The following DSCAM variants were observed in gnomAD, a reference collection of about 807,000 sequenced individuals.
The protein encoded by DSCAM is DS cell adhesion molecule.
DSCAM carries 47 observed loss-of-function variants against 217.7 expected under a neutral mutation model. The observed-to-expected ratio is 0.22, with a 90% confidence interval of 0.17 to 0.28. The LOEUF (loss-of-function observed/expected upper bound fraction) is 0.28, where lower values mean the gene tolerates loss of function less well. Among genes scored for constraint, DSCAM ranks in the 10% least tolerant of loss-of-function variants. The pLI, the probability that DSCAM is intolerant of heterozygous loss-of-function variation, is 1.00. For synonymous variants in DSCAM, 1,056 were observed against 1,015.3 expected (o/e 1.04, Z -0.76); for missense variants, 2,080 against 2,618.3 (o/e 0.79, Z 4.49).
At chr21:40,676,230 C>A (rs1317217308) in intron 3 of DSCAM, among the ~76,000 whole-genome samples, 2 of 152,124 alleles carry the variant, frequency 1.3e-5, no homozygotes, top group African/African-American at 4.8e-5. Context: ...AAACATTCAT[C>A]TTATGTCAAC....
intron 1 of DSCAM, among the ~76,000 whole-genome samples, chr21:40,760,602 G>C (rs995552621): frequency 6.6e-6 from 1 of 152,232 alleles, no homozygotes; most frequent in African/African-American, 2.4e-5. Flanking sequence ...TGCTTTGCCA[G>C]TTTCAAGCAG....
chr21:40,751,099 G>T (rs2091222843), intron 1 of DSCAM, among the ~76,000 whole-genome samples: 1 of 151,988 alleles, frequency 6.6e-6, no homozygotes, highest in Admixed American at 6.6e-5. Context: ...TGTCACACAG[G>T]CTGCTGCAGG....
At chr21:40,358,168 T>G (rs927949313) in intron 4 of DSCAM, among the ~76,000 whole-genome samples, 1 of 152,158 alleles carries the variant, frequency 6.6e-6, no homozygotes, top group Non-Finnish European at 1.5e-5. Context: ...ATGCTATTCA[T>G]AAAAAATCAA....
At chr21:40,484,782 G>GGCA in intron 3 of DSCAM, among the ~76,000 whole-genome samples, 4 of 152,166 alleles carry the variant, frequency 2.6e-5, no homozygotes, top group African/African-American at 9.7e-5. Flanking sequence ...GTTTTATACA[G>GGCA]GGAGATGTAG....
At chr21:40,167,508 AT>A (rs1211383326) in intron 15 of DSCAM, among the ~76,000 whole-genome samples, 2 of 152,180 alleles carry the variant, frequency 1.3e-5, no homozygotes, top group African/African-American at 4.8e-5. Flanking sequence ...TTGGGGACCT[AT>A]CATGGTATTC....
At chr21:40,154,580 C>G (rs1263737939) in intron 16 of DSCAM, among the ~76,000 whole-genome samples, 1 of 152,108 alleles carries the variant, frequency 6.6e-6, no homozygotes, top group Non-Finnish European at 1.5e-5. Flanking sequence ...GTTCATATAT[C>G]TCTCCTTAGA....
intron 3 of DSCAM, among the ~76,000 whole-genome samples, chr21:40,653,338 T>C (rs1417326298): frequency 6.6e-6 from 1 of 152,116 alleles, no homozygotes; most frequent in East Asian, 1.9e-4. Flanking sequence ...TGTGCCCAGG[T>C]GGATGGTCCT....
intron 3 of DSCAM, among the ~76,000 whole-genome samples, chr21:40,510,488 A>C (rs2056255585): frequency 6.6e-6 from 1 of 152,310 alleles, no homozygotes. Flanking sequence ...CATTTGTTCG[A>C]AATCAAACGT....
intron 9 of DSCAM, among the ~76,000 whole-genome samples, chr21:40,299,144 C>T (rs535106725): frequency 6.6e-6 from 1 of 152,226 alleles, no homozygotes; most frequent in East Asian, 1.9e-4. Flanking sequence ...AGTAAGTGAG[C>T]TTCTTAATTT....
At chr21:40,617,300 A>T (rs1329647807) in intron 3 of DSCAM, among the ~76,000 whole-genome samples, 1 of 151,204 alleles carries the variant, frequency 6.6e-6, no homozygotes, top group African/African-American at 2.4e-5. Context: ...ATTTTTTTGT[A>T]TTTTTAGTAG....
chr21:40,144,454 G>T lies in DSCAM; in HGVS notation c.3259+37C>A. 1.2e-6 allele frequency: 2 copies of T among 1,609,848 alleles called. No individual in the cohort carries two copies. The highest frequency in any genetic ancestry group is 1.7e-6 in the Non-Finnish European group (2 of 1,177,016). ...GGGCAGACCCGAGGGAACCTTTGCG[G>T]AGGGAAAAGCCACGACCAGGCCCCG... On this transcript the variant is annotated intron_variant, in intron 17 of 32. Coordinates refer to ENST00000400454, the MANE Select transcript of DSCAM (RefSeq NM_001389.5). This position sits in a 1 kb window ranked among gnomAD's most constrained non-coding sequence, Gnocchi z 4.8.
intron 3 of DSCAM, among the ~76,000 whole-genome samples, chr21:40,616,548 T>C (rs1022415269): frequency 6.6e-6 from 1 of 152,046 alleles, no homozygotes; most frequent in Non-Finnish European, 1.5e-5. Flanking sequence ...GAGGAGTGAG[T>C]GTGTCTTGCG....
chr21:40,698,855 G>A (rs1003264714), intron 2 of DSCAM, among the ~76,000 whole-genome samples: 1 of 139,270 alleles, frequency 7.2e-6, no homozygotes, highest in African/African-American at 2.8e-5. Context: ...GGGCGACAGA[G>A]CGAGAATCCG....
chr21:40,324,284 T>C (rs151174180), intron 8 of DSCAM, among the ~76,000 whole-genome samples: 395 of 151,694 alleles, frequency 2.6e-3, no homozygotes, highest in African/African-American at 9.1e-3. Context: ...AGGCATAAAG[T>C]AGAATTATAA....
At chr21:40,801,103 C>T (rs2091736735) in intron 1 of DSCAM, among the ~76,000 whole-genome samples, 1 of 151,886 alleles carries the variant, frequency 6.6e-6, no homozygotes, top group Non-Finnish European at 1.5e-5. Context: ...AGGTGCCCAC[C>T]CCTACACCTG....
chr21:40,614,613 A>C (rs561364856), intron 3 of DSCAM, among the ~76,000 whole-genome samples: 115 of 152,310 alleles, frequency 7.6e-4, no homozygotes, highest in Middle Eastern at 3.4e-3. Context: ...TGGAGGTAAA[A>C]TTATATATGC....
rs577250997 is a variant in DSCAM at position 40,650,459 on chromosome 21, G to A, written c.508+42351C>T. Among the ~76,000 whole-genome samples, 65 of 152,360 alleles carry A rather than the reference G, an allele frequency of 4.3e-4. 1 individual carries two copies. Among genetic ancestry groups the A allele is most frequent in the Non-Finnish European group, 2.1e-4 (14 of 68,032 alleles). On this transcript the variant is annotated intron_variant, in intron 3 of 32. Coordinates refer to ENST00000400454, the MANE Select transcript of DSCAM (RefSeq NM_001389.5). ...TGTGTCTGTGAAAGTGTTTTCAGAA[G>A]AGATTAACATTTGAATCAGTGAACT...
At chr21:40,663,516 C>A (rs1329451101) in intron 3 of DSCAM, among the ~76,000 whole-genome samples, 1 of 152,180 alleles carries the variant, frequency 6.6e-6, no homozygotes, top group East Asian at 1.9e-4. Flanking sequence ...AGAATAAGAG[C>A]ACTTGGGTTT....
At chr21:40,755,485 A>G (rs2091266726) in intron 1 of DSCAM, among the ~76,000 whole-genome samples, 1 of 152,070 alleles carries the variant, frequency 6.6e-6, no homozygotes, top group Non-Finnish European at 1.5e-5. Context: ...AAAGTTTTTA[A>G]AAAGATGTTG....
Sources: gnomAD v4.1 joint callset for allele counts (sites outside exome capture counted in the v4.1 genomes callset) on GRCh38, gnomAD v4.1.1 for gene constraint, Gnocchi (gnomAD v3.1) non-coding constraint, MANE v1.5 for transcripts, NCBI Gene and HGNC (gene_info 2026-07-23, HGNC 2026-07-21) for gene names.